Variants in WNT6 observed in about 807,000 individuals in gnomAD.
The protein encoded by WNT6 is Wnt family member 6.
In WNT6, 27 loss-of-function variants were observed where a neutral mutation model predicts 33.1. The observed-to-expected ratio is 0.82, with a 90% confidence interval of 0.60 to 1.12. The LOEUF is 1.12. Among genes scored for constraint, WNT6 ranks in the 50% most tolerant of loss-of-function variants. WNT6 has a pLI of 0.00. For missense variants in WNT6, 494 were observed against 535.3 expected (o/e 0.92, Z 0.76); for synonymous variants, 249 against 242.8 (o/e 1.03, Z -0.24).
chr2:218,869,889 G>T (rs1015182015), intron 1 of WNT6, among the ~76,000 whole-genome samples: 1 of 152,166 alleles, frequency 6.6e-6, no homozygotes, highest in African/African-American at 2.4e-5. Flanking sequence ...ACCCTAATGC[G>T]CAGGGCTTGG....
intron 1 of WNT6, among the ~76,000 whole-genome samples, chr2:218,863,510 T>G (rs1312980828): frequency 6.6e-6 from 1 of 152,142 alleles, no homozygotes; most frequent in East Asian, 1.9e-4. Context: ...TCCCACCTTC[T>G]TTTTCACTTC....
At chr2:218,866,831 A>G (rs990538422) in intron 1 of WNT6, among the ~76,000 whole-genome samples, 2 of 152,206 alleles carry the variant, frequency 1.3e-5, no homozygotes, top group African/African-American at 4.8e-5. Context: ...TCCATGCATG[A>G]GCTTATTGTC....
At chr2:218,870,157 G>A (rs1449157686) in intron 1 of WNT6, among the ~76,000 whole-genome samples, 3 of 151,766 alleles carry the variant, frequency 2.0e-5, no homozygotes, top group Non-Finnish European at 2.9e-5. Context: ...GGCAGTGGAG[G>A]TTGCAGTGAG....
rs1363491561 is a variant in WNT6 at position 218,873,834 on chromosome 2, C to T, written c.1087C>T (p.Leu363Phe). 2.0e-6 allele frequency: 3 copies of T among 1,509,374 alleles called. No individual in the cohort carries two copies. In the Admixed American group the frequency reaches 6.1e-5, roughly 31 times the overall value. The allele number at this position is 1,509,374 out of a possible 1,614,324, so 93.5% of individuals were successfully genotyped here. ...CTGCCGTGTGCGCAAGGAGCTCAGC[C>T]TCTGCCTGTGACCCGCCGCCCGGCC... is the stretch of plus-strand genomic sequence containing the variant. The part of the protein sequence containing the change: ...HRCRVRKELS[L>F]CL Residue 363 changes from leucine to phenylalanine, a missense_variant, in exon 4 of 4, where the codon CTC (leucine) becomes TTC (phenylalanine). Transcript: ENST00000233948. This position sits in a 1 kb window ranked among gnomAD's most constrained non-coding sequence, Gnocchi z 6.1.
chr2:218,870,589 T>C (rs1411988038), intron 1 of WNT6, among the ~76,000 whole-genome samples: 2 of 152,254 alleles, frequency 1.3e-5, no homozygotes, highest in African/African-American at 2.4e-5. Context: ...ATATCATTCC[T>C]TGATACTGCT....
chr2:218,873,965 A>G lies in WNT6; in HGVS notation c.*120A>G. 6 of 1,079,848 alleles carry G rather than the reference A, an allele frequency of 5.6e-6. No homozygotes were observed. The highest frequency in any genetic ancestry group is 6.3e-6 in the Non-Finnish European group (5 of 796,182). The allele number at this position is 1,079,848 out of a possible 1,614,324, so 66.9% of individuals were successfully genotyped here. A position where few individuals can be genotyped will look rare whatever the true frequency, so the allele number is the denominator to read the frequency against. ...CCCAGCCTCTCCCTGCCAAAGCCCA[A>G]CTCCCAGGGCTCTGGAAATGGTGAG... On this transcript the variant is annotated 3_prime_UTR_variant, in exon 4 of 4. Coordinates refer to ENST00000233948, the MANE Select transcript of WNT6 (RefSeq NM_006522.4). This position sits in a 1 kb window ranked among gnomAD's most constrained non-coding sequence, Gnocchi z 6.1.
rs1193421676 is a variant in WNT6 at position 218,873,407 on chromosome 2, C to G, written c.660C>G (p.Thr220=). 1.3e-6 allele frequency: 2 copies of G among 1,536,922 alleles called. No individual in the cohort carries two copies. Among genetic ancestry groups the G allele is most frequent in the Non-Finnish European group, 8.7e-7 (1 of 1,146,420 alleles). The change falls in exon 4 of 4, where the codon ACC becomes ACG. Residue 220 remains threonine (T), a synonymous_variant. Coordinates refer to ENST00000233948, the MANE Select transcript of WNT6 (RefSeq NM_006522.4). The surrounding 1 kb of genome is among the most constrained non-coding windows in gnomAD (Gnocchi z 6.1). ...GRLAVRSHTR[T]ECKCHGLSGS... is the part of the protein sequence containing the mutation. ...AGGCCGTGCGGAGCCACACGCGCAC[C>G]GAGTGCAAATGCCACGGGCTGTCGG...
rs575307749 is a variant in WNT6 at position 218,870,787 on chromosome 2, G to A, written c.81-240G>A. ...TAAGAATTTATTTACAAAGATGTGT[G>A]CAGGAAGATAAGATTGAATCTTTGC... On this transcript the variant is annotated intron_variant, in intron 1 of 3. Transcript: ENST00000233948. Among the ~76,000 whole-genome samples the A allele has an allele frequency of 5.3e-5, 8 of 152,372 alleles. No individual in the cohort carries two copies. The East Asian group carries it at 1.3e-3, about 26-fold the overall frequency.
chr2:218,859,992 C>T lies in WNT6; in HGVS notation c.-46C>T. ...GGCCCTCGCGCGCCGCGGTTCGCCC[C>T]GCAGCCTCGCCCCCTGCCCACCCGG... On this transcript the variant is annotated 5_prime_UTR_variant, in exon 1 of 4. Transcript: ENST00000233948. The T allele has an allele frequency of 3.7e-6, 5 of 1,337,026 alleles. No homozygotes were observed. Among genetic ancestry groups the T allele is most frequent in the Non-Finnish European group, 4.8e-6 (5 of 1,039,530 alleles). 82.8% of individuals were successfully genotyped at this position (1,337,026 alleles called of 1,614,324 possible).
Position 218,873,990 on chromosome 2 carries a change from G to A in WNT6, c.*145G>A. The A allele has an allele frequency of 1.0e-6, 1 of 969,820 alleles. No homozygotes were observed. The highest frequency in any genetic ancestry group is 1.4e-6 in the Non-Finnish European group (1 of 700,350). The allele number at this position is 969,820 out of a possible 1,614,324, so 60.1% of individuals were successfully genotyped here. On this transcript the variant is annotated 3_prime_UTR_variant, in exon 4 of 4. Transcript: ENST00000233948. This position sits in a 1 kb window ranked among gnomAD's most constrained non-coding sequence, Gnocchi z 6.1. ...ACTCCCAGGGCTCTGGAAATGGTGA[G>A]GCGAGGGGCTTGAGAGGAACGCCCA...
At chr2:218,860,158 G>A (rs1029622252) in intron 1 of WNT6, 41 bp downstream of exon 1, 37 of 1,491,188 alleles carry the variant, frequency 2.5e-5, no homozygotes, top group Non-Finnish European at 3.1e-5. Context: ...ACCCTGGAGG[G>A]TGGGGACCCC....
chr2:218,866,615 G>A (rs933258876), intron 1 of WNT6, among the ~76,000 whole-genome samples: 6 of 152,172 alleles, frequency 3.9e-5, no homozygotes, highest in Non-Finnish European at 8.8e-5. Flanking sequence ...TGTAATCTGG[G>A]AGGGAGGTGG....
rs1944426883 is a variant in WNT6, at chr2:218,873,707, C to T, written c.960C>T (p.Cys320=). 3 of 1,575,040 alleles carry T rather than the reference C, an allele frequency of 1.9e-6. No individual in the cohort carries two copies. In the South Asian group the frequency reaches 3.4e-5, roughly 18 times the overall value. ...GCAGCGCCCCGGACCTCAGCGGCTG[C>T]GACCTGCTGTGCTGCGGCCGCGGGC... ...CNSSAPDLSG[C]DLLCCGRGHR... The change falls in exon 4 of 4, where the codon TGC becomes TGT. Residue 320 remains cysteine (C), a synonymous_variant. Coordinates refer to ENST00000233948, the MANE Select transcript of WNT6 (RefSeq NM_006522.4). The surrounding 1 kb of genome is among the most constrained non-coding windows in gnomAD (Gnocchi z 6.1).
chr2:218,860,790 G>T (rs1345786367), intron 1 of WNT6, among the ~76,000 whole-genome samples: 7 of 151,796 alleles, frequency 4.6e-5, no homozygotes, highest in Admixed American at 4.6e-4. Context: ...AGGGAGAGGG[G>T]CCTGGCCAGC....
chr2:218,874,047 G>A lies in WNT6; in HGVS notation c.*202G>A. The A allele has an allele frequency of 3.4e-6, 2 of 590,436 alleles. No homozygotes were observed. The highest frequency in any genetic ancestry group is 3.9e-5 in the Admixed American group (1 of 25,874). The allele number at this position is 590,436 out of a possible 1,614,324, so 36.6% of individuals were successfully genotyped here. A position where few individuals can be genotyped will look rare whatever the true frequency, so the allele number is the denominator to read the frequency against. ...AAGGCCCAGGGCGCCAGACGGCCCC[G>A]AAAAGGCGCTCGGGGAGCGTTTAAA... is the stretch of plus-strand genomic sequence containing the variant. On this transcript the variant is annotated 3_prime_UTR_variant, in exon 4 of 4. Coordinates refer to ENST00000233948, the MANE Select transcript of WNT6 (RefSeq NM_006522.4).
At chr2:218,868,347 T>C (rs1355061401) in intron 1 of WNT6, among the ~76,000 whole-genome samples, 1 of 152,110 alleles carries the variant, frequency 6.6e-6, no homozygotes, top group Non-Finnish European at 1.5e-5. Context: ...CCCTCCTGCC[T>C]TCTTAAGGGA....
In WNT6 at chr2:218,871,851, C is replaced by T. The variant is rs761137117; in HGVS notation, c.636+32C>T. 2.6e-6 allele frequency: 4 copies of T among 1,530,398 alleles called. No individual in the cohort carries two copies. The highest frequency in any genetic ancestry group is 3.5e-6 in the Non-Finnish European group (4 of 1,137,910). 94.8% of individuals were successfully genotyped at this position (1,530,398 alleles called of 1,614,324 possible). On this transcript the variant is annotated intron_variant, in intron 3 of 3. Coordinates refer to ENST00000233948, the MANE Select transcript of WNT6 (RefSeq NM_006522.4). The surrounding 1 kb of genome is among the most constrained non-coding windows in gnomAD (Gnocchi z 6.4). Reference sequence around the variant, plus strand: ...ACGGGCAGGATGGAGTGAGTGTGTGCGGAAATGTGAGTGTGCGCGCAGGAG... The same window carrying T: ...ACGGGCAGGATGGAGTGAGTGTGTGTGGAAATGTGAGTGTGCGCGCAGGAG...
In WNT6 at chr2:218,865,078, TG is replaced by T. The variant is rs569898296; in HGVS notation, c.80+4967del. 1.5e-3 allele frequency among the ~76,000 whole-genome samples: 229 copies of T among 152,320 alleles called. 3 individuals are homozygous for T. Among genetic ancestry groups the T allele is most frequent in the Non-Finnish European group, 2.7e-3 (186 of 68,006 alleles). ...AGAGTTCTGGCACTGAGACATTTCC[TG>T]GGGGGTGCAGCCCCCTCCTGCCCTG... On this transcript the variant is annotated intron_variant, in intron 1 of 3. Coordinates refer to ENST00000233948, the MANE Select transcript of WNT6 (RefSeq NM_006522.4).
In WNT6 at chr2:218,871,105, G is replaced by A. The variant is rs62193325; in HGVS notation, c.159G>A (p.Glu53=). 1 of 1,613,616 alleles carries A rather than the reference G, an allele frequency of 6.2e-7. No homozygotes were observed. Among genetic ancestry groups the A allele is most frequent in the East Asian group, 2.2e-5 (1 of 44,878 alleles). ...KARRLAGRQA[E]LCQAEPEVVA... ...GGCGGCTGGCCGGGCGGCAGGCCGAGTTGTGCCAGGCTGAGCCGGAAGTGG... is the reference window on the plus strand; with the variant it reads ...GGCGGCTGGCCGGGCGGCAGGCCGAATTGTGCCAGGCTGAGCCGGAAGTGG... Residue 53 remains glutamate, a synonymous_variant, in exon 2 of 4, where the codon GAG becomes GAA. Coordinates refer to ENST00000233948, the MANE Select transcript of WNT6 (RefSeq NM_006522.4). This position sits in a 1 kb window ranked among gnomAD's most constrained non-coding sequence, Gnocchi z 6.4.
Sources: allele counts gnomAD v4.1 joint callset (sites outside exome capture counted in the v4.1 genomes callset), GRCh38; gene constraint gnomAD v4.1.1; non-coding constraint Gnocchi (gnomAD v3.1); transcripts MANE v1.5; gene names NCBI Gene and HGNC (gene_info 2026-07-23, HGNC 2026-07-21).